Variants in ZNF407 observed in about 807,000 individuals in gnomAD.
ZNF407 encodes the protein zinc finger protein 407.
Under a neutral mutation model 131.2 loss-of-function variants are expected in ZNF407, and 17 were observed. That is an observed-to-expected ratio of 0.13 (90% CI 0.09 to 0.19). The LOEUF is 0.19. ZNF407 is among the 10% of genes least tolerant of loss of function. The probability of loss-of-function intolerance (pLI) is 1.00; values close to 1 mark genes in which losing one functional copy is unlikely to be tolerated. For synonymous variants in ZNF407, 1,156 were observed against 1,062.0 expected (o/e 1.09, Z -1.72); for missense variants, 2,681 against 2,830.6 (o/e 0.95, Z 1.20).
intron 4 of ZNF407, among the ~76,000 whole-genome samples, chr18:74,824,535 C>T (rs886140931): frequency 1.3e-5 from 2 of 152,124 alleles, no homozygotes; most frequent in African/African-American, 4.8e-5. Context: ...AGGGATATCA[C>T]CACCAATCCC....
At chr18:74,929,825 T>C (rs1044537660) in intron 8 of ZNF407, among the ~76,000 whole-genome samples, 7 of 152,238 alleles carry the variant, frequency 4.6e-5, no homozygotes, top group Non-Finnish European at 8.8e-5. Context: ...ACATTATTAC[T>C]CTTTGCAATT....
intron 3 of ZNF407, among the ~76,000 whole-genome samples, chr18:74,672,345 C>T (rs180773917): frequency 7.2e-5 from 11 of 152,218 alleles, no homozygotes; most frequent in African/African-American, 2.6e-4. Context: ...GCTGCATGTA[C>T]GTCTTCTCTT....
At chr18:74,827,485 T>G (rs1970424703) in intron 4 of ZNF407, among the ~76,000 whole-genome samples, 1 of 152,124 alleles carries the variant, frequency 6.6e-6, no homozygotes, top group Non-Finnish European at 1.5e-5. Flanking sequence ...TTTTTTTTTC[T>G]GATGCTCTAT....
chr18:74,914,215 C>A (rs895252727), intron 7 of ZNF407, among the ~76,000 whole-genome samples: 3 of 152,174 alleles, frequency 2.0e-5, no homozygotes, highest in African/African-American at 4.8e-5. Context: ...TCGTGAGGAA[C>A]GTCTTTCACC....
rs376066722 is a variant in ZNF407, at chr18:74,601,918, G to A, written c.-54+3981G>A. ...ATGAGTCATTTGGAGCAGAAAGGAA[G>A]TACAAAACATGTCCCTATACAATAT... On this transcript the variant is annotated intron_variant, in intron 1 of 8. Transcript: ENST00000299687. Among the ~76,000 whole-genome samples the A allele has an allele frequency of 5.3e-5, 8 of 152,298 alleles. No individual in the cohort carries two copies. The East Asian group carries it at 1.3e-3, about 26-fold the overall frequency.
chr18:74,964,580 G>GTTT lies in ZNF407; in HGVS notation c.5428+43906_5428+43908dup, dbSNP rs35373107. Among the ~76,000 whole-genome samples, 732 of 118,528 alleles carry GTTT rather than the reference G, an allele frequency of 6.2e-3. 14 individuals carry two copies. The highest frequency in any genetic ancestry group is 0.042 in the Admixed American group (466 of 11,074). The allele number at this position is 118,528 out of a possible 152,430, so 77.8% of individuals were successfully genotyped here. A position where few individuals can be genotyped will look rare whatever the true frequency, so the allele number is the denominator to read the frequency against. ...CTTGATTCAACAACCTATCATCCGG[G>GTTT]TTTTTTTTTTTTTTTTTTTTGGGTC... On this transcript the variant is annotated intron_variant, in intron 8 of 8. Transcript: ENST00000299687.
At chr18:74,838,915 T>C (rs1970594401) in intron 4 of ZNF407, among the ~76,000 whole-genome samples, 2 of 152,204 alleles carry the variant, frequency 1.3e-5, no homozygotes, top group Non-Finnish European at 2.9e-5. Flanking sequence ...ATCTAGGAGT[T>C]ATCTATTTTT....
At chr18:74,702,971 C>T (rs1432405646) in intron 3 of ZNF407, among the ~76,000 whole-genome samples, 2 of 152,194 alleles carry the variant, frequency 1.3e-5, no homozygotes, top group African/African-American at 4.8e-5. Flanking sequence ...GGGCAGAAAC[C>T]CATGTCTGTT....
intron 8 of ZNF407, among the ~76,000 whole-genome samples, chr18:74,956,095 TG>T (rs1972272273): frequency 6.6e-6 from 1 of 152,244 alleles, no homozygotes. Flanking sequence ...TACTTCATCT[TG>T]AAAAGTTGCT....
intron 7 of ZNF407, among the ~76,000 whole-genome samples, chr18:74,891,713 A>G (rs1971387648): frequency 6.6e-6 from 1 of 152,146 alleles, no homozygotes; most frequent in African/African-American, 2.4e-5. Context: ...AACATTATTA[A>G]ATGTTCTTTT....
chr18:74,996,672 A>G (rs1972784215), intron 8 of ZNF407, among the ~76,000 whole-genome samples: 1 of 152,242 alleles, frequency 6.6e-6, no homozygotes, highest in South Asian at 2.1e-4. Flanking sequence ...GACATTAGAC[A>G]TTTTAGATTA....
chr18:74,678,150 A>AT (rs1248612652), intron 3 of ZNF407, among the ~76,000 whole-genome samples: 3 of 152,246 alleles, frequency 2.0e-5, no homozygotes, highest in African/African-American at 4.8e-5. Flanking sequence ...TGTCATGGAC[A>AT]TTTTGTTAGC....
At chr18:75,058,861 C>T (rs891133911) in intron 8 of ZNF407, among the ~76,000 whole-genome samples, 1 of 152,198 alleles carries the variant, frequency 6.6e-6, no homozygotes, top group Non-Finnish European at 1.5e-5. Flanking sequence ...CTACATAGCT[C>T]AACATTAATT....
At chr18:74,754,012 C>T (rs1243246986) in intron 3 of ZNF407, among the ~76,000 whole-genome samples, 1 of 152,162 alleles carries the variant, frequency 6.6e-6, no homozygotes, top group Admixed American at 6.5e-5. Context: ...TAATTATTGT[C>T]TCAATTTCAG....
intron 3 of ZNF407, among the ~76,000 whole-genome samples, chr18:74,707,832 G>A (rs1240789982): frequency 1.3e-5 from 2 of 152,164 alleles, no homozygotes; most frequent in African/African-American, 4.8e-5. Flanking sequence ...ATCTGGTGCT[G>A]TGCTGCCACA....
intron 8 of ZNF407, among the ~76,000 whole-genome samples, chr18:75,044,764 T>C (rs1428985843): frequency 1.3e-5 from 2 of 152,170 alleles, no homozygotes; most frequent in African/African-American, 4.8e-5. Flanking sequence ...GTTTGACTGG[T>C]TTATTAAAAA....
chr18:74,979,314 G>C (rs1473536192), intron 8 of ZNF407, among the ~76,000 whole-genome samples: 1 of 152,116 alleles, frequency 6.6e-6, no homozygotes, highest in East Asian at 1.9e-4. Flanking sequence ...ACATCTACAA[G>C]AAATATATAT....
At chr18:74,924,876 T>C (rs1294385549) in intron 8 of ZNF407, among the ~76,000 whole-genome samples, 6 of 152,176 alleles carry the variant, frequency 3.9e-5, no homozygotes, top group Non-Finnish European at 8.8e-5. Context: ...TTGTTTATTA[T>C]TGAAATAGCT....
intron 3 of ZNF407, among the ~76,000 whole-genome samples, chr18:74,750,946 A>G (rs1326158610): frequency 6.6e-6 from 1 of 152,182 alleles, no homozygotes; most frequent in Non-Finnish European, 1.5e-5. Context: ...CTCTTGAGCA[A>G]CTTTTTATGT....
Sources: allele counts gnomAD v4.1 joint callset (sites outside exome capture counted in the v4.1 genomes callset), GRCh38; gene constraint gnomAD v4.1.1; transcripts MANE v1.5; gene names NCBI Gene and HGNC (gene_info 2026-07-23, HGNC 2026-07-21).